Variants in WTAP observed in about 807,000 individuals in gnomAD.
The protein encoded by WTAP is pre-mRNA-splicing regulator WTAP.
Under a neutral mutation model 50.0 loss-of-function variants are expected in WTAP, and 8 were observed. The observed-to-expected ratio is 0.16, with a 90% CI of 0.09 to 0.29. WTAP has a LOEUF of 0.29. Ranked by LOEUF, WTAP falls within the 10% of genes least tolerant of loss-of-function variation. WTAP has a pLI of 1.00. For missense variants in WTAP, 295 were observed against 470.7 expected (o/e 0.63, Z 3.45); for synonymous variants, 194 against 169.0 (o/e 1.15, Z -1.15).
In WTAP at chr6:159,727,518, C is replaced by T; in HGVS notation, c.-194C>T. 1.0e-6 allele frequency: 1 copy of T among 992,346 alleles called. No individual in the cohort carries two copies. The highest frequency in any genetic ancestry group is 1.2e-6 in the Non-Finnish European group (1 of 835,364). 61.5% of individuals were successfully genotyped at this position (992,346 alleles called of 1,614,324 possible). A position where few individuals can be genotyped will look rare whatever the true frequency, so the allele number is the denominator to read the frequency against. ...GGGGCCTGGTTTCCTCCCTCAGCGC[C>T]ATTTTGTGGCAGCGAGACCCACAAA... On this transcript the variant is annotated 5_prime_UTR_variant, in exon 1 of 8. Coordinates refer to ENST00000621533, the MANE Select transcript of WTAP (RefSeq NM_001270531.2).
chr6:159,751,992 C>T (rs535768007), intron 6 of WTAP, among the ~76,000 whole-genome samples: 32 of 150,548 alleles, frequency 2.1e-4, no homozygotes, highest in South Asian at 2.1e-4. Flanking sequence ...AGCCTGGGGA[C>T]GTCAAGGCTC....
chr6:159,744,473 C>G (rs188401490), intron 5 of WTAP, among the ~76,000 whole-genome samples: 1 of 152,120 alleles, frequency 6.6e-6, no homozygotes, highest in Non-Finnish European at 1.5e-5. Context: ...TTATTAAAGT[C>G]TTCTAAGATA....
intron 7 of WTAP, among the ~76,000 whole-genome samples, 155 bp downstream of exon 7, chr6:159,753,769 GCAAA>G (rs891698022): frequency 1.3e-5 from 2 of 152,114 alleles, no homozygotes; most frequent in African/African-American, 2.4e-5. Context: ...AGTTGAGTCC[GCAAA>G]CAAAGCCATA....
rs751801387 is a variant in WTAP at position 159,753,626 on chromosome 6, G to C, written c.607+12G>C. On this transcript the variant is annotated intron_variant, in intron 7 of 7. Transcript: ENST00000621533. ...AAGCAGTCAGGATGGTAAGGGGTTT[G>C]TTTCTTTTTGGAACGTTGTCTCAAC... 2.8e-5 allele frequency: 45 copies of C among 1,589,938 alleles called. No homozygotes were observed. Among genetic ancestry groups the C allele is most frequent in the Non-Finnish European group, 3.7e-5 (43 of 1,168,682 alleles).
intron 1 of WTAP, among the ~76,000 whole-genome samples, chr6:159,728,011 G>T (rs960122407): frequency 6.6e-6 from 1 of 152,222 alleles, no homozygotes; most frequent in African/African-American, 2.4e-5. Context: ...GGCGGCGCTC[G>T]TTTTTTCCTC....
At chr6:159,751,576 T>C (rs1421715266) in intron 6 of WTAP, among the ~76,000 whole-genome samples, 1 of 152,250 alleles carries the variant, frequency 6.6e-6, no homozygotes, top group Non-Finnish European at 1.5e-5. Context: ...GGTGGAAATC[T>C]GGAGCTACAG....
chr6:159,748,877 C>T lies in WTAP; in HGVS notation c.452+508C>T. ...TAGAGACACTGTGTATCAGTTTTGC[C>T]AATAAGACTGTGGACTTCATGATTG... On this transcript the variant is annotated intron_variant, in intron 6 of 7. Coordinates refer to ENST00000621533, the MANE Select transcript of WTAP (RefSeq NM_001270531.2). The surrounding 1 kb of genome is among the most constrained non-coding windows in gnomAD (Gnocchi z 5.6). 2.5e-6 allele frequency: 3 copies of T among 1,200,632 alleles called. No homozygotes were observed. Among genetic ancestry groups the T allele is most frequent in the South Asian group, 8.6e-5 (2 of 23,192 alleles). 74.4% of individuals were successfully genotyped at this position (1,200,632 alleles called of 1,614,324 possible).
intron 1 of WTAP, among the ~76,000 whole-genome samples, chr6:159,731,320 T>C (rs1226668877): frequency 2.0e-5 from 3 of 151,096 alleles, no homozygotes; most frequent in Non-Finnish European, 4.4e-5. Context: ...AAAAACAAAT[T>C]AGCTGGGCGT....
At chr6:159,730,359 A>G (rs1488544605) in intron 1 of WTAP, among the ~76,000 whole-genome samples, 1 of 152,166 alleles carries the variant, frequency 6.6e-6, no homozygotes, top group Non-Finnish European at 1.5e-5. Flanking sequence ...ACGAGAATAG[A>G]TTGTTCTGAG....
intron 2 of WTAP, 68 bp downstream of exon 2, chr6:159,736,363 A>T (rs895196173): frequency 5.6e-5 from 63 of 1,119,110 alleles, no homozygotes; most frequent in South Asian, 4.6e-4. Flanking sequence ...TAAGCACTTT[A>T]AAAAAAAATA....
intron 1 of WTAP, among the ~76,000 whole-genome samples, chr6:159,733,236 G>A (rs549543340): frequency 1.3e-5 from 2 of 152,332 alleles, no homozygotes; most frequent in South Asian, 2.1e-4. Flanking sequence ...AGGACAGAGT[G>A]ACTTGCTCAG....
At chr6:159,732,844 GCTT>G (rs1211860402) in intron 1 of WTAP, among the ~76,000 whole-genome samples, 1 of 137,498 alleles carries the variant, frequency 7.3e-6, no homozygotes, top group African/African-American at 3.0e-5. Flanking sequence ...GTCTCTGTCT[GCTT>G]CTTTCTCTCT....
upstream of WTAP, chr6:159,726,904 C>G: frequency 5.4e-6 from 7 of 1,289,042 alleles, no homozygotes; most frequent in South Asian, 1.2e-5. Flanking sequence ...CACGGCCTCT[C>G]TCTTGAGGTG....
chr6:159,747,896 T>A (rs1027476419), intron 5 of WTAP, among the ~76,000 whole-genome samples: 3 of 119,840 alleles, frequency 2.5e-5, no homozygotes, highest in African/African-American at 9.0e-5. Context: ...CCTTAAATAG[T>A]TATTTTTTTA....
chr6:159,730,540 G>A (rs1778502455), intron 1 of WTAP, among the ~76,000 whole-genome samples: 1 of 152,200 alleles, frequency 6.6e-6, no homozygotes, highest in Admixed American at 6.5e-5. Context: ...TGACCAAATA[G>A]TTGAATGTTG....
At chr6:159,727,934 G>A (rs557046388) in intron 1 of WTAP, among the ~76,000 whole-genome samples, 1 of 152,368 alleles carries the variant, frequency 6.6e-6, no homozygotes, top group South Asian at 2.1e-4. Flanking sequence ...GGGTTGAGAG[G>A]GGTGCTCTGG....
At position 159,755,458 on chromosome 6, in the gene WTAP, A is replaced by G; in HGVS notation, c.1038A>G (p.Glu346=). ...YESVDSPTGS[E]NSLTHQSNDT... ...GTGTAGACTCTCCCACGGGCAGTGA[A>G]AACTCTCTCACACACCAATCAAATG... The change falls in exon 8 of 8, where the codon GAA becomes GAG. Residue 346 remains glutamate (E), a synonymous_variant. Coordinates refer to ENST00000621533, the MANE Select transcript of WTAP (RefSeq NM_001270531.2). The G allele has an allele frequency of 6.2e-7, 1 of 1,614,068 alleles. No homozygotes were observed. Among genetic ancestry groups the G allele is most frequent in the South Asian group, 1.1e-5 (1 of 91,068 alleles).
chr6:159,741,555 T>C (rs1311654466), intron 3 of WTAP: 1 of 152,396 alleles, frequency 6.6e-6, no homozygotes, highest in Non-Finnish European at 1.5e-5. Context: ...ATCAGTGATA[T>C]CAAAGTGAAT....
intron 2 of WTAP, among the ~76,000 whole-genome samples, chr6:159,737,775 A>G (rs192287926): frequency 4.6e-5 from 7 of 152,330 alleles, no homozygotes; most frequent in Admixed American, 1.3e-4. Flanking sequence ...CATGAGCCAC[A>G]ATGCCCAGCC....
Sources: gnomAD v4.1 joint callset for allele counts (sites outside exome capture counted in the v4.1 genomes callset) on GRCh38, gnomAD v4.1.1 for gene constraint, Gnocchi (gnomAD v3.1) non-coding constraint, MANE v1.5 for transcripts, NCBI Gene and HGNC (gene_info 2026-07-23, HGNC 2026-07-21) for gene names.